Variants in GRID1 observed in about 807,000 individuals in gnomAD.
The protein encoded by GRID1 is glutamate ionotropic receptor delta type subunit 1.
In GRID1, 28 loss-of-function variants were observed where a neutral mutation model predicts 98.0. That is an observed-to-expected ratio of 0.29 (90% CI 0.21 to 0.39). The LOEUF (loss-of-function observed/expected upper bound fraction) is 0.39, where lower values mean the gene tolerates loss of function less well. GRID1 is among the 10% of genes least tolerant of loss of function. GRID1 has a pLI of 1.00. For missense variants in GRID1, 1,111 were observed against 1,340.5 expected (o/e 0.83, Z 2.67); for synonymous variants, 553 against 538.5 (o/e 1.03, Z -0.37).
chr10:86,035,508 C>G (rs973782505), intron 4 of GRID1, among the ~76,000 whole-genome samples: 1 of 152,226 alleles, frequency 6.6e-6, no homozygotes, highest in African/African-American at 2.4e-5. Context: ...CAGGTCCCAA[C>G]AGAGGAGGCA....
chr10:86,080,729 G>A (rs1052619601), intron 4 of GRID1, among the ~76,000 whole-genome samples: 1 of 152,072 alleles, frequency 6.6e-6, no homozygotes, highest in African/African-American at 2.4e-5. Context: ...GGAAAACTGG[G>A]GGGATTAGGC....
At chr10:85,832,791 C>G (rs1184565689) in intron 8 of GRID1, among the ~76,000 whole-genome samples, 1 of 152,174 alleles carries the variant, frequency 6.6e-6, no homozygotes, top group Non-Finnish European at 1.5e-5. Flanking sequence ...AGAAGATGGT[C>G]CGGGTAGGCT....
chr10:86,174,789 T>G (rs1384497267), intron 3 of GRID1, among the ~76,000 whole-genome samples: 1 of 150,526 alleles, frequency 6.6e-6, no homozygotes, highest in Non-Finnish European at 1.5e-5. Flanking sequence ...TCAAACAAAC[T>G]TACAAGAAAA....
intron 2 of GRID1, among the ~76,000 whole-genome samples, chr10:86,283,562 T>TGCACACACAA (rs1216835609): frequency 1.4e-5 from 2 of 147,040 alleles, no homozygotes; most frequent in South Asian, 2.2e-4. Context: ...TACACACACA[T>TGCACACACAA]GCACACACAC....
chr10:85,814,941 G>A (rs527345126), intron 8 of GRID1, among the ~76,000 whole-genome samples: 1 of 152,000 alleles, frequency 6.6e-6, no homozygotes, highest in South Asian at 2.1e-4. Flanking sequence ...AAACCAAATG[G>A]TCATTACAGA....
intron 4 of GRID1, among the ~76,000 whole-genome samples, chr10:86,104,822 G>C (rs1033220653): frequency 3.9e-5 from 6 of 152,200 alleles, no homozygotes; most frequent in Non-Finnish European, 8.8e-5. Context: ...GACCCGGCCT[G>C]AGACAGTGCA....
intron 5 of GRID1, among the ~76,000 whole-genome samples, chr10:85,903,572 A>AAT (rs199532855): frequency 7.2e-5 from 11 of 151,798 alleles, no homozygotes; most frequent in East Asian, 1.9e-4. Flanking sequence ...GTTTCAAAAA[A>AAT]ATATATATAT....
rs971113510 is a variant in GRID1, at chr10:85,968,278, C to T, written c.727-52039G>A. Among the ~76,000 whole-genome samples the T allele has an allele frequency of 2.5e-4, 36 of 142,662 alleles. 1 individual carries two copies. Among genetic ancestry groups the T allele is most frequent in the Admixed American group, 7.0e-4 (10 of 14,218 alleles). 93.6% of individuals were successfully genotyped at this position (142,662 alleles called of 152,430 possible). A position where few individuals can be genotyped will look rare whatever the true frequency, so the allele number is the denominator to read the frequency against. ...ATCCTGGCTAACATGGTGAAACCCC[C>T]GTCTCTACTAAAAATACAAAAAATT... On this transcript the variant is annotated intron_variant, in intron 4 of 15. Transcript: ENST00000327946.
chr10:85,717,694 T>C (rs1415435338), intron 12 of GRID1, among the ~76,000 whole-genome samples: 1 of 152,044 alleles, frequency 6.6e-6, no homozygotes, highest in Non-Finnish European at 1.5e-5. Flanking sequence ...TCCTCCAAAG[T>C]CTTAACTCAT....
At chr10:86,083,353 GC>G (rs1450883884) in intron 4 of GRID1, among the ~76,000 whole-genome samples, 22 of 152,142 alleles carry the variant, frequency 1.4e-4, no homozygotes, top group African/African-American at 4.6e-4. Context: ...CATCTTCTAA[GC>G]CCAGCGTGGT....
intron 12 of GRID1, among the ~76,000 whole-genome samples, chr10:85,657,548 T>G (rs1397396313): frequency 6.6e-6 from 1 of 152,236 alleles, no homozygotes; most frequent in Non-Finnish European, 1.5e-5. Context: ...GATTTGATAT[T>G]CTGTTGGAAA....
At chr10:85,628,758 C>G (rs1842939867) in intron 13 of GRID1, among the ~76,000 whole-genome samples, 1 of 152,180 alleles carries the variant, frequency 6.6e-6, no homozygotes, top group South Asian at 2.1e-4. Flanking sequence ...TGCAGCTGAA[C>G]TCTCCACAAA....
At chr10:86,304,726 A>G (rs1847735727) in intron 2 of GRID1, among the ~76,000 whole-genome samples, 1 of 152,380 alleles carries the variant, frequency 6.6e-6, no homozygotes, top group East Asian at 1.9e-4. Flanking sequence ...TCCATTTTAC[A>G]GATGGAAAAA....
chr10:86,296,985 T>C (rs1469541326), intron 2 of GRID1, among the ~76,000 whole-genome samples: 1 of 152,170 alleles, frequency 6.6e-6, no homozygotes, highest in Non-Finnish European at 1.5e-5. Context: ...ACTACCAAAC[T>C]TTATTTAGAG....
intron 2 of GRID1, among the ~76,000 whole-genome samples, chr10:86,214,038 C>G (rs993553888): frequency 6.6e-6 from 1 of 152,182 alleles, no homozygotes; most frequent in African/African-American, 2.4e-5. Flanking sequence ...TCCAGTGGAC[C>G]CTTACACCTC....
intron 4 of GRID1, among the ~76,000 whole-genome samples, chr10:86,045,063 G>T (rs1276617385): frequency 1.3e-5 from 2 of 152,242 alleles, no homozygotes; most frequent in Non-Finnish European, 2.9e-5. Flanking sequence ...CAATTTAGGG[G>T]AAATTGTTCA....
At chr10:85,605,456 C>T (rs1243416452) in intron 15 of GRID1, 1 of 152,206 alleles carries the variant, frequency 6.6e-6, no homozygotes, top group Non-Finnish European at 1.5e-5. Flanking sequence ...ACTTTCATTT[C>T]CACGGAAGGG....
chr10:85,607,840 C>T (rs1232150675), intron 15 of GRID1, among the ~76,000 whole-genome samples: 1 of 146,052 alleles, frequency 6.8e-6, no homozygotes, highest in East Asian at 2.0e-4. Flanking sequence ...TTGTTTGAGA[C>T]AGGGTCTCCC....
intron 4 of GRID1, among the ~76,000 whole-genome samples, chr10:86,031,865 C>T (rs1317930168): frequency 6.6e-6 from 1 of 152,128 alleles, no homozygotes; most frequent in Non-Finnish European, 1.5e-5. Flanking sequence ...GCAAATACAC[C>T]CCTGCTCAGA....
Sources: allele counts gnomAD v4.1 joint callset (sites outside exome capture counted in the v4.1 genomes callset), GRCh38; gene constraint gnomAD v4.1.1; transcripts MANE v1.5; gene names NCBI Gene and HGNC (gene_info 2026-07-23, HGNC 2026-07-21).